PHACTR2: variants seen among roughly 807,000 people sequenced by gnomAD.
PHACTR2 encodes the protein chromosome 6 open reading frame 56.
In PHACTR2, 30 loss-of-function variants were observed where a neutral mutation model predicts 76.0. The observed-to-expected ratio is 0.39, with a 90% CI of 0.30 to 0.54. The LOEUF (loss-of-function observed/expected upper bound fraction) is 0.54. PHACTR2 is among the 20% of genes least tolerant of loss of function. PHACTR2 has a pLI of 0.61. For synonymous variants in PHACTR2, 292 were observed against 292.5 expected (o/e 1.00, Z 0.02); for missense variants, 696 against 781.1 (o/e 0.89, Z 1.30).
Position 143,756,511 on chromosome 6 carries a change from C to T in PHACTR2, c.454+2599C>T, listed in dbSNP as rs565980071. On this transcript the variant is annotated intron_variant, in intron 4 of 12. Transcript: ENST00000440869. Reference sequence around the variant, plus strand: ...GAGATCGAGACCATCCTGGCTAACACGGTGAAACCCCGTCTCTACTAAAAA... The same window carrying T: ...GAGATCGAGACCATCCTGGCTAACATGGTGAAACCCCGTCTCTACTAAAAA... 6.4e-4 allele frequency among the ~76,000 whole-genome samples: 96 copies of T among 150,644 alleles called. 2 individuals carry two copies. The South Asian group carries it at 0.013, about 21-fold the overall frequency.
chr6:143,651,210 G>A (rs112259997), intron 1 of PHACTR2, among the ~76,000 whole-genome samples: 1,741 of 151,924 alleles, frequency 0.011, 42 homozygotes, highest in African/African-American at 0.04. Flanking sequence ...GCAATGTTGT[G>A]GAGAAAAAGG....
At chr6:143,622,377 C>T (rs1562250826) in intron 1 of PHACTR2, among the ~76,000 whole-genome samples, 1 of 152,178 alleles carries the variant, frequency 6.6e-6, no homozygotes, top group Non-Finnish European at 1.5e-5. Flanking sequence ...TGCTGCTTTG[C>T]TTGGCAATGT....
Position 143,801,571 on chromosome 6 carries a change from C to T in PHACTR2, c.1846-5486C>T, listed in dbSNP as rs1293044879. Among the ~76,000 whole-genome samples the T allele has an allele frequency of 6.6e-6, 1 of 152,288 alleles. No individual in the cohort carries two copies. Among genetic ancestry groups the T allele is most frequent in the Non-Finnish European group, 1.5e-5 (1 of 68,022 alleles). ...ATCAGGTTATTTAAGCTCTTCTCTA[C>T]ACTGGTTATTCTAGTTAGCCATTCA... On this transcript the variant is annotated intron_variant, in intron 11 of 12. Coordinates refer to ENST00000440869, the MANE Select transcript of PHACTR2 (RefSeq NM_001100164.2). The surrounding 1 kb of genome is among the most constrained non-coding windows in gnomAD (Gnocchi z 4.6).
rs1777001215 is a variant in PHACTR2 at position 143,664,593 on chromosome 6, A to T, written c.14-47423A>T. 6.6e-6 allele frequency among the ~76,000 whole-genome samples: 1 copy of T among 152,130 alleles called. No homozygotes were observed. Among genetic ancestry groups the T allele is most frequent in the Non-Finnish European group, 1.5e-5 (1 of 68,024 alleles). ...CTATTTGAAACAGTTACTTTTTCTA[A>T]CAAAGTTTAAAATTATTTAGTACAT... On this transcript the variant is annotated intron_variant, in intron 1 of 11. Coordinates refer to the PHACTR2 transcript ENST00000305766. The surrounding 1 kb of genome is among the most constrained non-coding windows in gnomAD (Gnocchi z 5.1).
rs1257114028 is a variant in PHACTR2, at chr6:143,561,676, C to T, written c.217+24469C>T. On this transcript the variant is annotated intron_variant, in intron 1 of 11. Coordinates refer to the PHACTR2 transcript ENST00000367584. This position sits in a 1 kb window ranked among gnomAD's most constrained non-coding sequence, Gnocchi z 4.1. Reference sequence around the variant, plus strand: ...GTAGTGGTGAGAGGAGTCAAGTTACCACGTGACCTTGAATGAAAGACGTTT... The same window carrying T: ...GTAGTGGTGAGAGGAGTCAAGTTACTACGTGACCTTGAATGAAAGACGTTT... 6.6e-6 allele frequency among the ~76,000 whole-genome samples: 1 copy of T among 152,170 alleles called. No individual in the cohort carries two copies. Among genetic ancestry groups the T allele is most frequent in the African/African-American group, 2.4e-5 (1 of 41,438 alleles).
chr6:143,563,315 AGCACTTTGAGAG>A (rs1775307841), intron 1 of PHACTR2, among the ~76,000 whole-genome samples: 1 of 152,130 alleles, frequency 6.6e-6, no homozygotes, highest in African/African-American at 2.4e-5. Flanking sequence ...CTGTACTCCC[AGCACTTTGAGAG>A]GCCGAGGTGG....
chr6:143,716,214 T>C (rs1778297674), intron 2 of PHACTR2, among the ~76,000 whole-genome samples: 1 of 151,994 alleles, frequency 6.6e-6, no homozygotes, highest in Non-Finnish European at 1.5e-5. Flanking sequence ...TTCCAACAGG[T>C]AGGGTAAATC....
chr6:143,749,867 T>A (rs1779149203), intron 3 of PHACTR2, among the ~76,000 whole-genome samples: 1 of 152,192 alleles, frequency 6.6e-6, no homozygotes, highest in Non-Finnish European at 1.5e-5. Context: ...TGTTGCAATT[T>A]TGTTGATTAA....
At chr6:143,567,377 G>A (rs1298349121) in intron 1 of PHACTR2, among the ~76,000 whole-genome samples, 1 of 151,860 alleles carries the variant, frequency 6.6e-6, no homozygotes, top group Admixed American at 6.6e-5. Flanking sequence ...ATTATTTATT[G>A]ACTTTTATTT....
Position 143,806,082 on chromosome 6 carries a change from A to T in PHACTR2, c.1846-975A>T, listed in dbSNP as rs1776056246. Among the ~76,000 whole-genome samples the T allele has an allele frequency of 6.6e-6, 1 of 152,228 alleles. No individual in the cohort carries two copies. The highest frequency in any genetic ancestry group is 2.4e-5 in the African/African-American group (1 of 41,464). On this transcript the variant is annotated intron_variant, in intron 11 of 12. Coordinates refer to ENST00000440869, the MANE Select transcript of PHACTR2 (RefSeq NM_001100164.2). The surrounding 1 kb of genome is among the most constrained non-coding windows in gnomAD (Gnocchi z 5.8). ...TTTTTATTAGCACCTTTTTAAAAAC[A>T]TGAGTAAAACATTCTTTATAGAGAA... is the stretch of plus-strand genomic sequence containing the variant.
In PHACTR2 at chr6:143,648,463, C is replaced by T. The variant is rs759607719; in HGVS notation, c.13+40141C>T. Among the ~76,000 whole-genome samples, 20 of 151,780 alleles carry T rather than the reference C, an allele frequency of 1.3e-4. No homozygotes were observed. Among genetic ancestry groups the T allele is most frequent in the Non-Finnish European group, 2.6e-4 (18 of 67,960 alleles). The stretch of plus-strand genomic sequence containing the variant: ...ACTGGGAGTCCCTGGGAGGGGGGGA[C>T]GAGGAGGAACAGACCAAACAAAGCA... On this transcript the variant is annotated intron_variant, in intron 1 of 11. Transcript: ENST00000305766. The surrounding 1 kb of genome is among the most constrained non-coding windows in gnomAD (Gnocchi z 6.7).
Position 143,697,714 on chromosome 6 carries a change from T to A in PHACTR2, c.47-14302T>A, listed in dbSNP as rs964023387. 2.0e-5 allele frequency among the ~76,000 whole-genome samples: 3 copies of A among 152,266 alleles called. No homozygotes were observed. The highest frequency in any genetic ancestry group is 2.0e-4 in the Admixed American group (3 of 15,290). On this transcript the variant is annotated intron_variant, in intron 1 of 12. Transcript: ENST00000440869. This position sits in a 1 kb window ranked among gnomAD's most constrained non-coding sequence, Gnocchi z 4.4. ...AGGCACTGTTGGAAACAATTTCCTC[T>A]GTGAAAAATCTAAAGACCTGCTAAA...
chr6:143,763,551 T>A (rs777692074), intron 5 of PHACTR2, among the ~76,000 whole-genome samples: 2 of 152,192 alleles, frequency 1.3e-5, no homozygotes, highest in African/African-American at 2.4e-5. Context: ...ACTTCTAGGC[T>A]AGGGAAGGTT....
chr6:143,548,648 C>T lies in PHACTR2; in HGVS notation c.217+11441C>T, dbSNP rs77052095. 1.7e-3 allele frequency among the ~76,000 whole-genome samples: 252 copies of T among 152,018 alleles called. No individual in the cohort carries two copies. The highest frequency in any genetic ancestry group is 5.8e-3 in the African/African-American group (241 of 41,482). On this transcript the variant is annotated intron_variant, in intron 1 of 11. Coordinates refer to the PHACTR2 transcript ENST00000367584. This position sits in a 1 kb window ranked among gnomAD's most constrained non-coding sequence, Gnocchi z 4.5. ...TGCAGGTGTGGAGAGCACAGTTCCT[C>T]GATGAGAGGTGGGGGACTGGGAAAA... is the stretch of plus-strand genomic sequence containing the variant.
chr6:143,792,745 G>T (rs539692749), intron 11 of PHACTR2, among the ~76,000 whole-genome samples: 1 of 152,208 alleles, frequency 6.6e-6, no homozygotes, highest in African/African-American at 2.4e-5. Context: ...CTCCTAGTCC[G>T]CCAAACTACC....
rs1775115082 is a variant in PHACTR2, at chr6:143,553,106, G to A, written c.217+15899G>A. On this transcript the variant is annotated intron_variant, in intron 1 of 11. Coordinates refer to the PHACTR2 transcript ENST00000367584. The surrounding 1 kb of genome is among the most constrained non-coding windows in gnomAD (Gnocchi z 4.2). ...GTGTGGCTGAGGGGCTAAAACCCAT[G>A]CACCACTCTTGACCCATCAACAAGG... Among the ~76,000 whole-genome samples, 2 of 152,118 alleles carry A rather than the reference G, an allele frequency of 1.3e-5. No homozygotes were observed. Among genetic ancestry groups the A allele is most frequent in the Admixed American group, 6.5e-5 (1 of 15,268 alleles).
chr6:143,732,920 T>C (rs1778733966), intron 2 of PHACTR2, among the ~76,000 whole-genome samples: 1 of 152,144 alleles, frequency 6.6e-6, no homozygotes, highest in South Asian at 2.1e-4. Context: ...GACAGGGTCT[T>C]GCTCATTCAC....
chr6:143,600,188 A>G (rs1775797670), intron 1 of PHACTR2, among the ~76,000 whole-genome samples: 1 of 152,206 alleles, frequency 6.6e-6, no homozygotes, highest in African/African-American at 2.4e-5. Context: ...CATATTTCCA[A>G]CTAACTGGTG....
At position 143,663,104 on chromosome 6, in the gene PHACTR2, G is replaced by A. The variant is rs1264861994; in HGVS notation, c.14-48912G>A. Among the ~76,000 whole-genome samples the A allele has an allele frequency of 1.3e-5, 2 of 152,090 alleles. No homozygotes were observed. The highest frequency in any genetic ancestry group is 2.9e-5 in the Non-Finnish European group (2 of 68,010). ...ATTTGTACCACGTTTTCTCTAGCCAGGCCCCCACTAATGAGCACCTAGGTT... is the reference window on the plus strand; with the variant it reads ...ATTTGTACCACGTTTTCTCTAGCCAAGCCCCCACTAATGAGCACCTAGGTT... On this transcript the variant is annotated intron_variant, in intron 1 of 11. Coordinates refer to the PHACTR2 transcript ENST00000305766. This position sits in a 1 kb window ranked among gnomAD's most constrained non-coding sequence, Gnocchi z 4.1.
Sources: allele counts gnomAD v4.1 joint callset (sites outside exome capture counted in the v4.1 genomes callset), GRCh38; gene constraint gnomAD v4.1.1; non-coding constraint Gnocchi (gnomAD v3.1); transcripts MANE v1.5; gene names NCBI Gene and HGNC (gene_info 2026-07-23, HGNC 2026-07-21).